The following DDX10 variants were observed in gnomAD, a reference collection of about 807,000 sequenced individuals.
DDX10 encodes the protein probable ATP-dependent RNA helicase DDX10.
A neutral mutation model predicts 104.3 loss-of-function variants in DDX10; 74 were observed. That is an observed-to-expected ratio of 0.71 (90% CI 0.59 to 0.86). DDX10 has a LOEUF of 0.86. Among genes scored for constraint, DDX10 ranks in the 40% least tolerant of loss-of-function variants. DDX10 has a pLI of 0.00. For missense variants in DDX10, 952 were observed against 1,040.0 expected, an observed-to-expected ratio of 0.92 and a Z score of 1.16; for synonymous variants, 351 against 353.4, an observed-to-expected ratio of 0.99 and a Z score of 0.08.
At chr11:108,726,837 C>G (rs1163982519) in intron 13 of DDX10, among the ~76,000 whole-genome samples, 2 of 151,920 alleles carry the variant, frequency 1.3e-5, no homozygotes, top group East Asian at 3.9e-4. Flanking sequence ...TTTGTAAATG[C>G]CTATGAGTTT....
rs11212787 is a variant in DDX10, at chr11:108,821,882, C to T, written c.1966-16564C>T. The stretch of plus-strand genomic sequence containing the variant: ...CAAAAATATAAAGTAGACATTGCCA[C>T]CTTATCTTCAACTCTTGCCTTTAAG... On this transcript the variant is annotated intron_variant, in intron 13 of 17. Coordinates refer to ENST00000322536, the MANE Select transcript of DDX10 (RefSeq NM_004398.4). Among the ~76,000 whole-genome samples, 1,304 of 152,258 alleles carry T rather than the reference C, an allele frequency of 8.6e-3. 10 individuals are homozygous for T. The highest frequency in any genetic ancestry group is 0.015 in the Non-Finnish European group (1,005 of 68,018).
At chr11:108,780,175 T>C (rs1591816406) in intron 13 of DDX10, among the ~76,000 whole-genome samples, 1 of 152,176 alleles carries the variant, frequency 6.6e-6, no homozygotes, top group East Asian at 1.9e-4. Flanking sequence ...TTTCCAAAAA[T>C]AAAATGCCAA....
At chr11:108,859,505 G>T (rs1455096663) in intron 16 of DDX10, among the ~76,000 whole-genome samples, 2 of 152,030 alleles carry the variant, frequency 1.3e-5, no homozygotes, top group Non-Finnish European at 2.9e-5. Context: ...GAAAATAGTT[G>T]TATTATTAAG....
chr11:108,875,968 A>G (rs1863149084), intron 16 of DDX10, among the ~76,000 whole-genome samples: 1 of 152,212 alleles, frequency 6.6e-6, no homozygotes, highest in Non-Finnish European at 1.5e-5. Context: ...ACACTAGAGC[A>G]TGTGATGTTC....
chr11:108,690,050 T>TA (rs202225894), intron 7 of DDX10, among the ~76,000 whole-genome samples: 2,525 of 145,112 alleles, frequency 0.017, 67 homozygotes, highest in African/African-American at 0.058. Flanking sequence ...ACCCTGTCTT[T>TA]AAAAAAAAAA....
At chr11:108,812,621 G>A (rs1862198731) in intron 13 of DDX10, among the ~76,000 whole-genome samples, 1 of 152,022 alleles carries the variant, frequency 6.6e-6, no homozygotes, top group Non-Finnish European at 1.5e-5. Flanking sequence ...TGACTTGATT[G>A]ATTATAGCAT....
chr11:108,888,010 A>G (rs1863323862), intron 16 of DDX10, among the ~76,000 whole-genome samples: 1 of 151,754 alleles, frequency 6.6e-6, no homozygotes, highest in African/African-American at 2.4e-5. Flanking sequence ...TAGTGTTTTC[A>G]ATCAGAGGAA....
At chr11:108,894,848 A>G (rs577494328) in intron 16 of DDX10, among the ~76,000 whole-genome samples, 1 of 152,132 alleles carries the variant, frequency 6.6e-6, no homozygotes, top group African/African-American at 2.4e-5. Flanking sequence ...TCATTTTTGA[A>G]GAGGAAAAAC....
intron 17 of DDX10, among the ~76,000 whole-genome samples, chr11:108,939,141 A>G (rs1176588486): frequency 1.3e-5 from 2 of 152,216 alleles, no homozygotes; most frequent in Non-Finnish European, 2.9e-5. Context: ...GTCTTTACAA[A>G]TAAGACAACT....
At chr11:108,836,482 G>GT (rs1285812745) in intron 13 of DDX10, among the ~76,000 whole-genome samples, 2 of 151,950 alleles carry the variant, frequency 1.3e-5, no homozygotes, top group African/African-American at 4.8e-5. Context: ...TTGCATGGTG[G>GT]TTTTTTTGCT....
At chr11:108,809,777 CT>C (rs1270973252) in intron 13 of DDX10, among the ~76,000 whole-genome samples, 1 of 152,136 alleles carries the variant, frequency 6.6e-6, no homozygotes, top group East Asian at 1.9e-4. Flanking sequence ...TGGTATGGTG[CT>C]TGGCATACAT....
chr11:108,788,693 G>A (rs886476858), intron 13 of DDX10, among the ~76,000 whole-genome samples: 1 of 152,170 alleles, frequency 6.6e-6, no homozygotes, highest in African/African-American at 2.4e-5. Flanking sequence ...GTTTTCACTG[G>A]TGTTGTATAC....
intron 17 of DDX10, chr11:108,919,282 A>G (rs912575784): frequency 2.0e-5 from 3 of 152,220 alleles, no homozygotes; most frequent in African/African-American, 2.4e-5. Context: ...TACTACCACA[A>G]GAGGCACCAC....
chr11:108,864,948 A>T (rs1862989706), intron 16 of DDX10, among the ~76,000 whole-genome samples: 1 of 152,142 alleles, frequency 6.6e-6, no homozygotes, highest in South Asian at 2.1e-4. Flanking sequence ...TCAGTCTGTC[A>T]CCTGTTGTTC....
At chr11:108,706,712 T>G in intron 9 of DDX10, 27 bp from the exon 10 acceptor site, 1 of 1,557,792 alleles carries the variant, frequency 6.4e-7, no homozygotes, top group South Asian at 1.1e-5. Flanking sequence ...CATTGATGTG[T>G]TAAAGATTTT....
At chr11:108,809,354 C>T (rs566688102) in intron 13 of DDX10, among the ~76,000 whole-genome samples, 6 of 152,278 alleles carry the variant, frequency 3.9e-5, no homozygotes, top group East Asian at 3.9e-4. Flanking sequence ...TTAGGGACTC[C>T]GCCCCCTTCC....
At chr11:108,776,402 A>AT (rs952653687) in intron 13 of DDX10, among the ~76,000 whole-genome samples, 3 of 151,866 alleles carry the variant, frequency 2.0e-5, no homozygotes, top group African/African-American at 7.3e-5. Context: ...TAATTTCTAG[A>AT]TTTTCTGGGC....
chr11:108,751,140 C>A (rs1332057356), intron 13 of DDX10, among the ~76,000 whole-genome samples: 2 of 151,214 alleles, frequency 1.3e-5, no homozygotes, highest in East Asian at 1.9e-4. Flanking sequence ...GCTTTTTATT[C>A]CTAGTATCTC....
chr11:108,835,738 TAA>T, intron 13 of DDX10, among the ~76,000 whole-genome samples: 1 of 151,860 alleles, frequency 6.6e-6, no homozygotes, highest in South Asian at 2.1e-4. Context: ...GGTCCGTGCC[TAA>T]TTAAAGGCTG....
Sources: gnomAD v4.1 joint callset for allele counts (sites outside exome capture counted in the v4.1 genomes callset) on GRCh38, gnomAD v4.1.1 for gene constraint, MANE v1.5 for transcripts, NCBI Gene and HGNC (gene_info 2026-07-23, HGNC 2026-07-21) for gene names.